The following MED27 variants were observed in gnomAD, a reference collection of about 807,000 sequenced individuals.
MED27 encodes the protein mediator complex subunit 27.
MED27 carries 30 observed loss-of-function variants against 38.2 expected under a neutral mutation model. The ratio of observed to expected loss-of-function variants is 0.79; its 90% CI spans 0.59 to 1.07. The LOEUF is 1.07. Among genes scored for constraint, MED27 ranks in the 50% least tolerant of loss-of-function variants. The probability of loss-of-function intolerance (pLI) is 0.00; values close to 1 mark genes in which losing one functional copy is unlikely to be tolerated. For synonymous variants in MED27, 122 were observed against 153.5 expected, an observed-to-expected ratio of 0.79 and a Z score of 1.52; for missense variants, 289 against 397.5, an observed-to-expected ratio of 0.73 and a Z score of 2.32.
intron 4 of MED27, among the ~76,000 whole-genome samples, chr9:131,932,450 T>C (rs568640635): frequency 2.7e-5 from 4 of 147,372 alleles, no homozygotes; most frequent in Admixed American, 1.3e-4. Flanking sequence ...ACTGATACTA[T>C]AGAAATTAAA....
intron 3 of MED27, among the ~76,000 whole-genome samples, chr9:131,980,945 C>T (rs973692013): frequency 4.6e-5 from 7 of 152,114 alleles, no homozygotes; most frequent in African/African-American, 1.4e-4. Flanking sequence ...GTTTCAGTCA[C>T]CCCAAATTTT....
chr9:131,918,830 C>T (rs1490752668), intron 4 of MED27, among the ~76,000 whole-genome samples: 3 of 152,162 alleles, frequency 2.0e-5, no homozygotes, highest in Non-Finnish European at 4.4e-5. Flanking sequence ...AGAATAGAAG[C>T]TGGACCTGCA....
At chr9:131,871,856 C>T (rs1449154744) in intron 6 of MED27, among the ~76,000 whole-genome samples, 1 of 152,114 alleles carries the variant, frequency 6.6e-6, no homozygotes, top group Non-Finnish European at 1.5e-5. Context: ...CTTTTTTCCT[C>T]CGAATTTTCT....
rs1838673815 is a variant in MED27 at position 131,862,779 on chromosome 9, G to C, written c.801+284C>G. Among the ~76,000 whole-genome samples, 1 of 152,196 alleles carries C rather than the reference G, an allele frequency of 6.6e-6. No individual in the cohort carries two copies. The highest frequency in any genetic ancestry group is 2.4e-5 in the African/African-American group (1 of 41,436). On this transcript the variant is annotated intron_variant, in intron 7 of 7. Coordinates refer to ENST00000292035, the MANE Select transcript of MED27 (RefSeq NM_004269.4). The surrounding 1 kb of genome is among the most constrained non-coding windows in gnomAD (Gnocchi z 4.6). The stretch of plus-strand genomic sequence containing the variant: ...GCCTGGCCCAGATTAGGAGCTCAAT[G>C]AAATATCTGTGGACTAAGTCAATGC...
intron 2 of MED27, among the ~76,000 whole-genome samples, chr9:132,028,289 G>A (rs747344265): frequency 6.6e-6 from 1 of 152,184 alleles, no homozygotes; most frequent in Non-Finnish European, 1.5e-5. Flanking sequence ...TATCACAGCA[G>A]TTTTATCTGA....
rs200484140 is a variant in MED27 at position 131,860,551 on chromosome 9, G to A, written c.923C>T (p.Thr308Ile). The A allele has an allele frequency of 2.4e-4, 369 of 1,543,962 alleles. 1 individual carries two copies. Among genetic ancestry groups the A allele is most frequent in the Middle Eastern group, 1.1e-3 (5 of 4,540 alleles). ...DFRTLEAFHDTCRQ is the reference protein window; with the variant it reads ...DFRTLEAFHDICRQ Reference sequence around the variant, plus strand: ...CCAGCGTGGGGGCTACTGCCGGCAGGTGTCATGGAAGGCTTCGAGGGTTCG... The same window carrying A: ...CCAGCGTGGGGGCTACTGCCGGCAGATGTCATGGAAGGCTTCGAGGGTTCG... The change falls in exon 8 of 8, where the codon ACC (threonine) becomes ATC (isoleucine). Residue 308 changes from threonine to isoleucine, a missense_variant. Coordinates refer to ENST00000292035, the MANE Select transcript of MED27 (RefSeq NM_004269.4). This position sits in a 1 kb window ranked among gnomAD's most constrained non-coding sequence, Gnocchi z 5.8.
intron 4 of MED27, among the ~76,000 whole-genome samples, chr9:131,927,272 T>C (rs535629428): frequency 6.6e-6 from 1 of 152,324 alleles, no homozygotes; most frequent in African/African-American, 2.4e-5. Flanking sequence ...CAAGTTTAGA[T>C]TTGACATTAG....
In MED27 at chr9:131,929,513, C is replaced by T. The variant is rs192987528; in HGVS notation, c.573+9868G>A. On this transcript the variant is annotated intron_variant, in intron 4 of 7. Transcript: ENST00000292035. ...ACTGCCCTGAAGGGTGAGTCTCAGG[C>T]GTGGCAGCATTCACCACACCTGTAT... Among the ~76,000 whole-genome samples, 169 of 152,196 alleles carry T rather than the reference C, an allele frequency of 1.1e-3. 2 individuals carry two copies. Among genetic ancestry groups the T allele is most frequent in the African/African-American group, 7.7e-4 (32 of 41,510 alleles).
chr9:131,969,554 T>G (rs138777711), intron 3 of MED27, among the ~76,000 whole-genome samples: 1 of 152,204 alleles, frequency 6.6e-6, no homozygotes, highest in African/African-American at 2.4e-5. Flanking sequence ...TTTCCCAGTT[T>G]CTTGGTGGCA....
chr9:131,969,042 G>A (rs1831417538), intron 3 of MED27, among the ~76,000 whole-genome samples: 1 of 152,088 alleles, frequency 6.6e-6, no homozygotes, highest in African/African-American at 2.4e-5. Flanking sequence ...TAAGCTCAGG[G>A]CTCCCATTAA....
At chr9:131,957,943 G>T (rs553764185) in intron 3 of MED27, among the ~76,000 whole-genome samples, 1 of 151,718 alleles carries the variant, frequency 6.6e-6, no homozygotes, top group Admixed American at 6.6e-5. Context: ...TTAATCTAGA[G>T]TGACAGAGAG....
At chr9:131,999,475 C>T (rs1832173500) in intron 3 of MED27, among the ~76,000 whole-genome samples, 1 of 152,102 alleles carries the variant, frequency 6.6e-6, no homozygotes, top group Non-Finnish European at 1.5e-5. Flanking sequence ...ATGGGGGTCA[C>T]CCTGGCATTG....
At chr9:132,023,899 AT>A (rs1336300546) in intron 2 of MED27, among the ~76,000 whole-genome samples, 5 of 151,850 alleles carry the variant, frequency 3.3e-5, no homozygotes, top group Admixed American at 6.6e-5. Flanking sequence ...TTAAGAAGGA[AT>A]TTTTTTTTAT....
At position 131,910,942 on chromosome 9, in the gene MED27, G is replaced by A. The variant is rs554335804; in HGVS notation, c.574-16950C>T. Among the ~76,000 whole-genome samples, 3 of 151,924 alleles carry A rather than the reference G, an allele frequency of 2.0e-5. No individual in the cohort carries two copies. In the South Asian group the frequency reaches 6.2e-4, roughly 32 times the overall value. ...CCCACAACCACCAGTTACCTCATCT[G>A]CCACTAGTATTAATGCTCTTCATAT... On this transcript the variant is annotated intron_variant, in intron 4 of 7. Coordinates refer to ENST00000292035, the MANE Select transcript of MED27 (RefSeq NM_004269.4).
At chr9:131,864,816 T>C (rs1385317392) in intron 6 of MED27, among the ~76,000 whole-genome samples, 1 of 152,238 alleles carries the variant, frequency 6.6e-6, no homozygotes, top group Non-Finnish European at 1.5e-5. Flanking sequence ...CAGTTTCCCC[T>C]TCCATAAAAT....
intron 3 of MED27, among the ~76,000 whole-genome samples, chr9:131,963,816 G>A (rs753873299): frequency 6.6e-6 from 1 of 152,166 alleles, no homozygotes; most frequent in Non-Finnish European, 1.5e-5. Flanking sequence ...TATGTGCGCT[G>A]CATGTTTCCA....
intron 4 of MED27, among the ~76,000 whole-genome samples, chr9:131,931,209 C>T (rs1040268623): frequency 1.3e-5 from 2 of 151,894 alleles, no homozygotes; most frequent in South Asian, 2.1e-4. Context: ...TGTGCCACTG[C>T]ACTCCAGCCT....
intron 6 of MED27, among the ~76,000 whole-genome samples, chr9:131,871,058 CCTA>C (rs1358357088): frequency 6.6e-6 from 1 of 152,172 alleles, no homozygotes; most frequent in Non-Finnish European, 1.5e-5. Flanking sequence ...GTGGGATGGT[CCTA>C]CTGTGGACCC....
At chr9:131,979,070 A>C (rs1381251329) in intron 3 of MED27, among the ~76,000 whole-genome samples, 1 of 152,192 alleles carries the variant, frequency 6.6e-6, no homozygotes, top group African/African-American at 2.4e-5. Context: ...TTTGGTGCAC[A>C]AGCTTGTACA....
Sources: gnomAD v4.1 joint callset for allele counts (sites outside exome capture counted in the v4.1 genomes callset) on GRCh38, gnomAD v4.1.1 for gene constraint, Gnocchi (gnomAD v3.1) non-coding constraint, MANE v1.5 for transcripts, NCBI Gene and HGNC (gene_info 2026-07-23, HGNC 2026-07-21) for gene names.